RERE: variants seen among roughly 807,000 people sequenced by gnomAD.
The protein encoded by RERE is arginine-glutamic acid dipeptide repeats protein.
In RERE, 40 loss-of-function variants were observed where a neutral mutation model predicts 146.1. The observed-to-expected ratio is 0.27, with a 90% CI of 0.21 to 0.36. RERE has a LOEUF of 0.36. Ranked by LOEUF, RERE falls within the 10% of genes least tolerant of loss-of-function variation. The probability of loss-of-function intolerance (pLI) is 1.00; values close to 1 mark genes in which losing one functional copy is unlikely to be tolerated. For synonymous variants in RERE, 1,003 were observed against 866.0 expected, an observed-to-expected ratio of 1.16 and a Z score of -2.78; for missense variants, 1,933 against 2,138.7, an observed-to-expected ratio of 0.90 and a Z score of 1.90.
chr1:8,486,370 T>G (rs1644899653), intron 10 of RERE, among the ~76,000 whole-genome samples: 1 of 152,106 alleles, frequency 6.6e-6, no homozygotes, highest in Non-Finnish European at 1.5e-5. Flanking sequence ...TAAATTAAAT[T>G]AGAAATCAAT....
chr1:8,366,916 C>CAAAAAAAAAAAA (rs5772317), intron 12 of RERE, among the ~76,000 whole-genome samples: 8 of 107,678 alleles, frequency 7.4e-5, no homozygotes, highest in African/African-American at 1.1e-4. Flanking sequence ...AAAAAAAAAA[C>CAAAAAAAAAAAA]AAAAAAAAAA....
chr1:8,813,659 G>A (rs541579414), intron 1 of RERE, among the ~76,000 whole-genome samples: 28 of 149,052 alleles, frequency 1.9e-4, no homozygotes, highest in Admixed American at 1.9e-3. Context: ...GTGTCACCCA[G>A]GATGGAGTAC....
chr1:8,375,024 C>G (rs906887069), intron 12 of RERE, among the ~76,000 whole-genome samples: 1 of 152,212 alleles, frequency 6.6e-6, no homozygotes, highest in African/African-American at 2.4e-5. Flanking sequence ...ACTCCTACAT[C>G]TTTTCATTCC....
intron 4 of RERE, among the ~76,000 whole-genome samples, chr1:8,575,561 AT>A (rs57463625): frequency 0.016 from 1,574 of 98,590 alleles, 15 homozygotes; most frequent in Middle Eastern, 0.025. Context: ...ATATATATAT[AT>A]TTTTTTTTTT....
Position 8,497,486 on chromosome 1 carries a change from T to A in RERE, c.923A>T (p.Asp308Val), listed in dbSNP as rs772665907. The change falls in exon 9 of 23, where the codon GAT becomes GTT. Residue 308 changes from aspartate to valine, a missense_variant. Transcript: ENST00000400908. ...CAGTTCCTCATGTTGGGTCACTGTA[T>A]CACCATCTGGAGAAGGAAATGGTTG... is the stretch of plus-strand genomic sequence containing the variant. ...DLQPFPSPDG[D>V]TVTQHEELVW... 3.1e-6 allele frequency: 5 copies of A among 1,613,994 alleles called. No individual in the cohort carries two copies. The East Asian group carries it at 1.1e-4, about 36-fold the overall frequency.
chr1:8,802,886 C>T (rs577239768), intron 1 of RERE, among the ~76,000 whole-genome samples: 3 of 152,196 alleles, frequency 2.0e-5, no homozygotes, highest in African/African-American at 4.8e-5. Context: ...CTGCAACAAA[C>T]GCTATGTAAG....
rs138717596 is a variant in RERE, at chr1:8,402,560, T to C, written c.1284+20167A>G. On this transcript the variant is annotated intron_variant, in intron 12 of 22. Coordinates refer to ENST00000400908, the MANE Select transcript of RERE (RefSeq NM_001042681.2). ...AGACTAGAGTCTCTCATGGTAACTATCTTTGCATTCCCGGGATAACTCCTA... is the reference window on the plus strand; with the variant it reads ...AGACTAGAGTCTCTCATGGTAACTACCTTTGCATTCCCGGGATAACTCCTA... Among the ~76,000 whole-genome samples, 375 of 152,302 alleles carry C rather than the reference T, an allele frequency of 2.5e-3. 1 individual carries two copies. Among genetic ancestry groups the C allele is most frequent in the African/African-American group, 6.6e-3 (276 of 41,562 alleles).
At chr1:8,682,638 T>C (rs1357442641) in intron 1 of RERE, among the ~76,000 whole-genome samples, 2 of 152,156 alleles carry the variant, frequency 1.3e-5, no homozygotes, top group Non-Finnish European at 2.9e-5. Context: ...GTAAAAATTG[T>C]TACCTACACA....
intron 11 of RERE, among the ~76,000 whole-genome samples, chr1:8,426,015 C>T (rs1483916412): frequency 1.3e-5 from 2 of 152,068 alleles, no homozygotes; most frequent in African/African-American, 4.8e-5. Flanking sequence ...AAACTTAAGC[C>T]CCCTCAAATC....
chr1:8,635,971 TC>T (rs1193239978), intron 2 of RERE, among the ~76,000 whole-genome samples: 3,459 of 146,314 alleles, frequency 0.024, 125 homozygotes, highest in African/African-American at 0.085. Context: ...TCTTATCTTA[TC>T]TTATCTTATT....
At chr1:8,416,689 T>C (rs923848006) in intron 12 of RERE, among the ~76,000 whole-genome samples, 1 of 152,022 alleles carries the variant, frequency 6.6e-6, no homozygotes, top group African/African-American at 2.4e-5. Context: ...TTGCAATAAT[T>C]AGAAAAACAA....
intron 12 of RERE, chr1:8,381,085 T>A (rs751573181): frequency 1.4e-4 from 64 of 451,782 alleles, no homozygotes; most frequent in African/African-American, 1.2e-3. Flanking sequence ...TGTGCTGTCA[T>A]CCACACCACC....
intron 4 of RERE, among the ~76,000 whole-genome samples, chr1:8,557,917 GA>G (rs1174105975): frequency 6.6e-6 from 1 of 152,092 alleles, no homozygotes; most frequent in Admixed American, 6.5e-5. Flanking sequence ...AGTGTTAGCT[GA>G]CTGTCAAGGC....
At chr1:8,386,022 A>ATATTTTTTT (rs1186333936) in intron 12 of RERE, among the ~76,000 whole-genome samples, 1 of 26,624 alleles carries the variant, frequency 3.8e-5, no homozygotes, top group Non-Finnish European at 6.0e-5. Context: ...ATATATATAT[A>ATATTTTTTT]TTTTTTTTTT....
chr1:8,727,512 T>C (rs1429561416), intron 1 of RERE, among the ~76,000 whole-genome samples: 2 of 151,412 alleles, frequency 1.3e-5, no homozygotes, highest in African/African-American at 4.9e-5. Context: ...TTTGTTTGTT[T>C]TGGACAGCGT....
At chr1:8,436,359 A>G (rs1474621282) in intron 11 of RERE, among the ~76,000 whole-genome samples, 2 of 152,154 alleles carry the variant, frequency 1.3e-5, no homozygotes, top group Non-Finnish European at 2.9e-5. Context: ...CCCAACACTC[A>G]TAACAGAATC....
At chr1:8,595,158 C>CAAAAAAAA (rs1050957833) in intron 4 of RERE, among the ~76,000 whole-genome samples, 2 of 66,380 alleles carry the variant, frequency 3.0e-5, no homozygotes, top group African/African-American at 5.4e-5. Context: ...AGACCGTGTC[C>CAAAAAAAA]AAAAAAAAAA....
chr1:8,622,194 A>T (rs1327222311), intron 3 of RERE, among the ~76,000 whole-genome samples: 1 of 152,210 alleles, frequency 6.6e-6, no homozygotes, highest in East Asian at 1.9e-4. Flanking sequence ...CCAGAACAGC[A>T]ACTATCACAT....
At chr1:8,540,420 T>C (rs1157620997) in intron 7 of RERE, among the ~76,000 whole-genome samples, 1 of 152,216 alleles carries the variant, frequency 6.6e-6, no homozygotes, top group Non-Finnish European at 1.5e-5. Flanking sequence ...GCCGGGGATG[T>C]TTTATTTCCT....
Sources: gnomAD v4.1 joint callset for allele counts (sites outside exome capture counted in the v4.1 genomes callset) on GRCh38, gnomAD v4.1.1 for gene constraint, MANE v1.5 for transcripts, NCBI Gene and HGNC (gene_info 2026-07-23, HGNC 2026-07-21) for gene names.